Variants in PLEKHM3 observed in about 807,000 individuals in gnomAD.
PLEKHM3 encodes the protein pleckstrin homology domain-containing family M member 3.
In PLEKHM3, 45 loss-of-function variants were observed where a neutral mutation model predicts 81.8. The ratio of observed to expected loss-of-function variants is 0.55; its 90% CI spans 0.43 to 0.71. The LOEUF is 0.71. Among genes scored for constraint, PLEKHM3 ranks in the 30% least tolerant of loss-of-function variants. The pLI is 0.00. For synonymous variants in PLEKHM3, 352 were observed against 356.4 expected (o/e 0.99, Z 0.14); for missense variants, 788 against 924.3 (o/e 0.85, Z 1.91).
intron 6 of PLEKHM3, among the ~76,000 whole-genome samples, chr2:207,905,877 G>C (rs181148422): frequency 9.8e-4 from 149 of 152,192 alleles, no homozygotes; most frequent in East Asian, 1.7e-3. Flanking sequence ...GAATACCCCT[G>C]CCACTGATTT....
intron 2 of PLEKHM3, among the ~76,000 whole-genome samples, chr2:207,982,029 G>A (rs1016873699): frequency 3.3e-5 from 5 of 152,110 alleles, no homozygotes; most frequent in African/African-American, 1.2e-4. Context: ...TTCCTCCTCA[G>A]CCTATTGAGC....
At chr2:207,995,492 A>G (rs1466420700) in intron 2 of PLEKHM3, among the ~76,000 whole-genome samples, 1 of 152,202 alleles carries the variant, frequency 6.6e-6, no homozygotes, top group Non-Finnish European at 1.5e-5. Context: ...GCACAGCCCC[A>G]GCTTAGTGGT....
At chr2:207,993,662 C>T (rs1193638724) in intron 2 of PLEKHM3, among the ~76,000 whole-genome samples, 1 of 151,864 alleles carries the variant, frequency 6.6e-6, no homozygotes, top group Non-Finnish European at 1.5e-5. Context: ...AAAATACAGG[C>T]ATAGGAATGG....
In PLEKHM3 at chr2:207,975,890, C is replaced by A. The variant is rs534555320; in HGVS notation, c.1546+761G>T. 5.6e-5 allele frequency among the ~76,000 whole-genome samples: 8 copies of A among 141,698 alleles called. No homozygotes were observed. In the South Asian group the frequency reaches 1.1e-3, roughly 20 times the overall value. The allele number at this position is 141,698 out of a possible 152,430, so 93.0% of individuals were successfully genotyped here. A position where few individuals can be genotyped will look rare whatever the true frequency, so the allele number is the denominator to read the frequency against. On this transcript the variant is annotated intron_variant, in intron 3 of 7. Coordinates refer to ENST00000427836, the MANE Select transcript of PLEKHM3 (RefSeq NM_001080475.3). The stretch of plus-strand genomic sequence containing the variant: ...GGGATTTCAGGTGTGAGCCACTGCA[C>A]CTGGCACAATTTTTTTTTTTTTTTT...
chr2:207,899,631 G>C (rs956219469), intron 6 of PLEKHM3, among the ~76,000 whole-genome samples: 1 of 152,164 alleles, frequency 6.6e-6, no homozygotes, highest in African/African-American at 2.4e-5. Context: ...CCTCGTTCTT[G>C]CACCTCAAGG....
intron 1 of PLEKHM3, among the ~76,000 whole-genome samples, chr2:208,016,381 A>G (rs1692914741): frequency 6.6e-6 from 1 of 151,888 alleles, no homozygotes; most frequent in Non-Finnish European, 1.5e-5. Context: ...GTGGTGGTTC[A>G]CACCTATAAT....
intron 6 of PLEKHM3, among the ~76,000 whole-genome samples, chr2:207,893,505 T>G (rs1027346678): frequency 4.6e-5 from 7 of 152,218 alleles, no homozygotes; most frequent in Admixed American, 3.9e-4. Flanking sequence ...GTTGGGTTTT[T>G]TAACCATAAA....
intron 5 of PLEKHM3, among the ~76,000 whole-genome samples, chr2:207,916,111 T>A (rs1299774371): frequency 1.3e-5 from 2 of 152,192 alleles, no homozygotes; most frequent in Non-Finnish European, 1.5e-5. Flanking sequence ...CAAGCTTCAA[T>A]CACTTCTCTA....
intron 7 of PLEKHM3, among the ~76,000 whole-genome samples, chr2:207,846,478 C>T (rs1042357864): frequency 4.6e-5 from 7 of 151,754 alleles, no homozygotes; most frequent in African/African-American, 1.5e-4. Flanking sequence ...TGTGTTTATT[C>T]GATGGATCTT....
chr2:207,934,789 T>G (rs185444566), intron 4 of PLEKHM3, among the ~76,000 whole-genome samples: 1 of 152,362 alleles, frequency 6.6e-6, no homozygotes, highest in Admixed American at 6.5e-5. Context: ...ATTTGAACAT[T>G]ATTAAGTGTC....
chr2:207,918,184 A>C (rs1489242167), intron 5 of PLEKHM3, among the ~76,000 whole-genome samples: 2 of 152,240 alleles, frequency 1.3e-5, no homozygotes, highest in African/African-American at 4.8e-5. Context: ...CAGCATAAAA[A>C]AGATGTTCAC....
At chr2:207,971,479 T>C (rs1453925876) in intron 3 of PLEKHM3, among the ~76,000 whole-genome samples, 1 of 152,036 alleles carries the variant, frequency 6.6e-6, no homozygotes, top group African/African-American at 2.4e-5. Context: ...CTAATTACCC[T>C]GATCTGATCA....
intron 7 of PLEKHM3, among the ~76,000 whole-genome samples, chr2:207,844,458 A>G (rs978130684): frequency 8.2e-6 from 1 of 122,612 alleles, no homozygotes; most frequent in Non-Finnish European, 1.8e-5. Flanking sequence ...GCCCACCACC[A>G]CGCCCGGAGA....
At chr2:208,000,999 A>T in intron 2 of PLEKHM3, 31 bp downstream of exon 2, 1 of 1,461,140 alleles carries the variant, frequency 6.8e-7, no homozygotes, top group South Asian at 1.4e-5. Flanking sequence ...AAAAAAAAAA[A>T]AAAGGAAATA....
intron 4 of PLEKHM3, among the ~76,000 whole-genome samples, chr2:207,942,677 G>C (rs1409083213): frequency 5.9e-5 from 9 of 152,088 alleles, no homozygotes; most frequent in Admixed American, 5.9e-4. Context: ...GAGGAGGGTG[G>C]ATCACAAGGT....
chr2:207,959,891 T>C (rs952346592), intron 3 of PLEKHM3, among the ~76,000 whole-genome samples: 15 of 152,234 alleles, frequency 9.9e-5, no homozygotes, highest in Non-Finnish European at 5.9e-5. Context: ...ATTTATGTTG[T>C]ACAAGATTTA....
chr2:207,911,636 G>C (rs1043797195), intron 5 of PLEKHM3, among the ~76,000 whole-genome samples: 1 of 152,192 alleles, frequency 6.6e-6, no homozygotes, highest in Non-Finnish European at 1.5e-5. Context: ...GGATGTTTAG[G>C]GGTGACTAAA....
intron 1 of PLEKHM3, among the ~76,000 whole-genome samples, chr2:208,020,285 G>A (rs1447382893): frequency 6.6e-6 from 1 of 152,190 alleles, no homozygotes; most frequent in Non-Finnish European, 1.5e-5. Flanking sequence ...ATAATTGAAG[G>A]ATTCTATTTG....
chr2:207,900,114 T>C (rs1688369013), intron 6 of PLEKHM3: 1 of 152,208 alleles, frequency 6.6e-6, no homozygotes, highest in Admixed American at 6.5e-5. Context: ...AAGGACACTG[T>C]GGAGATGGTT....
Sources: allele counts gnomAD v4.1 joint callset (sites outside exome capture counted in the v4.1 genomes callset), GRCh38; gene constraint gnomAD v4.1.1; transcripts MANE v1.5; gene names NCBI Gene and HGNC (gene_info 2026-07-23, HGNC 2026-07-21).